Variants in NCKAP5 observed in about 807,000 individuals in gnomAD.
NCKAP5 encodes NCK associated protein 5.
NCKAP5 carries 92 observed loss-of-function variants against 167.0 expected under a neutral mutation model. That is an observed-to-expected ratio of 0.55 (90% CI 0.47 to 0.66). The LOEUF (loss-of-function observed/expected upper bound fraction) is 0.66. Ranked by LOEUF, NCKAP5 falls within the 30% of genes least tolerant of loss-of-function variation. NCKAP5 has a pLI of 0.00. For synonymous variants in NCKAP5, 891 were observed against 877.4 expected (o/e 1.02, Z -0.27); for missense variants, 2,378 against 2,315.0 (o/e 1.03, Z -0.56).
chr2:133,477,251 T>G (rs1680000982), intron 3 of NCKAP5, among the ~76,000 whole-genome samples: 1 of 152,250 alleles, frequency 6.6e-6, no homozygotes, highest in Non-Finnish European at 1.5e-5. Context: ...CCTAGTGGTC[T>G]GCCTTCATCA....
chr2:133,089,710 G>A (rs1428460820), intron 6 of NCKAP5, among the ~76,000 whole-genome samples: 1 of 152,204 alleles, frequency 6.6e-6, no homozygotes, highest in Non-Finnish European at 1.5e-5. Flanking sequence ...ATACACAAGT[G>A]TCCAGCAGAA....
intron 6 of NCKAP5, among the ~76,000 whole-genome samples, chr2:133,078,725 A>G (rs2080700541): frequency 6.6e-6 from 1 of 152,108 alleles, no homozygotes; most frequent in South Asian, 2.1e-4. Flanking sequence ...TCCCTTAAAC[A>G]GTCTTTTAGT....
chr2:133,067,979 C>T (rs1332001954), intron 6 of NCKAP5, among the ~76,000 whole-genome samples: 1 of 152,126 alleles, frequency 6.6e-6, no homozygotes, highest in Non-Finnish European at 1.5e-5. Flanking sequence ...TAGATATAGG[C>T]TGACCCTAAT....
At chr2:133,177,183 T>TATATATATATATATATATAC (rs3051216) in intron 5 of NCKAP5, among the ~76,000 whole-genome samples, 7 of 142,678 alleles carry the variant, frequency 4.9e-5, no homozygotes, top group East Asian at 4.2e-4. Context: ...TATATATATA[T>TATATATATATATATATATAC]ATATACTCAA....
At position 133,005,100 on chromosome 2, in the gene NCKAP5, T is replaced by C. The variant is rs566810012; in HGVS notation, c.342-10861A>G. On this transcript the variant is annotated intron_variant, in intron 6 of 19. Transcript: ENST00000409261. Reference sequence around the variant, plus strand: ...CAAACACACGTTTTACAAACAATTTTTGCAGTTAACACAATCATCACAGGG... The same window carrying C: ...CAAACACACGTTTTACAAACAATTTCTGCAGTTAACACAATCATCACAGGG... Among the ~76,000 whole-genome samples, 232 of 152,274 alleles carry C rather than the reference T, an allele frequency of 1.5e-3. 1 individual carries two copies. The highest frequency in any genetic ancestry group is 5.3e-3 in the African/African-American group (219 of 41,558).
chr2:132,825,126 A>C (rs1182223110), intron 11 of NCKAP5, among the ~76,000 whole-genome samples: 1 of 152,212 alleles, frequency 6.6e-6, no homozygotes, highest in Non-Finnish European at 1.5e-5. Context: ...AACTTTCTCT[A>C]CTTCAAGAGC....
At chr2:133,480,665 C>T (rs73003107) in intron 3 of NCKAP5, among the ~76,000 whole-genome samples, 4,925 of 152,238 alleles carry the variant, frequency 0.032, 271 homozygotes, top group African/African-American at 0.11. Flanking sequence ...CCCTCAGTTG[C>T]CCACAGCCAT....
At position 133,120,069 on chromosome 2, in the gene NCKAP5, G is replaced by A. The variant is rs1268108765; in HGVS notation, c.341+9909C>T. Among the ~76,000 whole-genome samples the A allele has an allele frequency of 1.3e-5, 2 of 152,056 alleles. 1 individual carries two copies. Among genetic ancestry groups the A allele is most frequent in the East Asian group, 3.9e-4 (2 of 5,192 alleles). ...AAAGCGGTTACAGAAAATAAACAAG[G>A]AAAAAGAAACGTATATTTCTGTCTT... On this transcript the variant is annotated intron_variant, in intron 6 of 19. Transcript: ENST00000409261.
chr2:132,727,589 T>G (rs1690586500), intron 18 of NCKAP5, among the ~76,000 whole-genome samples: 1 of 152,222 alleles, frequency 6.6e-6, no homozygotes, highest in Admixed American at 6.5e-5. Flanking sequence ...TGGGAGGCAC[T>G]GATCTGGAGG....
intron 8 of NCKAP5, among the ~76,000 whole-genome samples, chr2:132,959,394 C>G (rs886856127): frequency 6.6e-6 from 1 of 152,098 alleles, no homozygotes; most frequent in East Asian, 1.9e-4. Flanking sequence ...TCAGCACATG[C>G]TTTTAGGCTT....
chr2:132,700,724 T>C (rs1294971871), intron 19 of NCKAP5, among the ~76,000 whole-genome samples: 1 of 152,230 alleles, frequency 6.6e-6, no homozygotes, highest in Non-Finnish European at 1.5e-5. Context: ...GGCTTGATGC[T>C]GGGCCAGGCA....
chr2:132,740,146 A>C (rs753080030), intron 16 of NCKAP5, among the ~76,000 whole-genome samples: 36 of 152,168 alleles, frequency 2.4e-4, no homozygotes, highest in Admixed American at 7.2e-4. Context: ...TTTGAAACTC[A>C]AACTTTTTCA....
chr2:132,869,577 C>CA (rs1690636999), intron 9 of NCKAP5, among the ~76,000 whole-genome samples: 1 of 152,154 alleles, frequency 6.6e-6, no homozygotes, highest in Non-Finnish European at 1.5e-5. Context: ...TCCTGAGTAA[C>CA]AAACCCAATC....
chr2:133,317,384 C>G (rs925141930), intron 3 of NCKAP5, among the ~76,000 whole-genome samples: 1 of 152,106 alleles, frequency 6.6e-6, no homozygotes, highest in Non-Finnish European at 1.5e-5. Flanking sequence ...GGCCACCCCC[C>G]TCCTTCCAGC....
the NCKAP5 span, among the ~76,000 whole-genome samples, chr2:133,628,515 C>A: frequency 6.6e-6 from 1 of 152,298 alleles, no homozygotes; most frequent in Non-Finnish European, 1.5e-5. Context: ...ACTGGAAAAA[C>A]ATTCCATGCT....
intron 5 of NCKAP5, among the ~76,000 whole-genome samples, chr2:133,171,602 T>C (rs1256214812): frequency 6.6e-6 from 1 of 152,192 alleles, no homozygotes; most frequent in Non-Finnish European, 1.5e-5. Context: ...TGGCTCCCTC[T>C]TCTGGTGGAA....
intron 3 of NCKAP5, among the ~76,000 whole-genome samples, chr2:133,341,928 A>T (rs1206092040): frequency 2.6e-5 from 4 of 152,148 alleles, no homozygotes; most frequent in Non-Finnish European, 4.4e-5. Context: ...ATAGAATTTT[A>T]AAAAGGATCT....
chr2:133,651,190 C>T, the NCKAP5 span, among the ~76,000 whole-genome samples: 1 of 152,070 alleles, frequency 6.6e-6, no homozygotes, highest in Admixed American at 6.5e-5. Flanking sequence ...CATAACAAAA[C>T]AATCAACAGA....
At chr2:132,796,864 T>C (rs1684650171) in intron 11 of NCKAP5, 135 bp from the exon 12 acceptor site, 2 of 620,554 alleles carry the variant, frequency 3.2e-6, no homozygotes, top group Non-Finnish European at 5.6e-6. Flanking sequence ...AAAAAAAGTT[T>C]ATTCTAGTTT....
Sources: allele counts gnomAD v4.1 joint callset (sites outside exome capture counted in the v4.1 genomes callset), GRCh38; gene constraint gnomAD v4.1.1; transcripts MANE v1.5; gene names NCBI Gene and HGNC (gene_info 2026-07-23, HGNC 2026-07-21).